Variants in ELFN1 observed in about 807,000 individuals in gnomAD.
The protein encoded by ELFN1 is extracellular leucine rich repeat and fibronectin type III domain containing 1, also known as protein ELFN1.
In ELFN1, 6 loss-of-function variants were observed where a neutral mutation model predicts 7.6. The ratio of observed to expected loss-of-function variants is 0.79; its 90% confidence interval spans 0.43 to 1.56. The LOEUF is 1.56. ELFN1 is among the 40% of genes most tolerant of loss of function. ELFN1 has a pLI of 0.01. For missense variants in ELFN1, 1,169 were observed against 1,232.2 expected, an observed-to-expected ratio of 0.95 and a Z score of 0.77; for synonymous variants, 657 against 588.1, an observed-to-expected ratio of 1.12 and a Z score of -1.70.
chr7:1,736,189 G>A (rs1038515933), intron 3 of ELFN1, among the ~76,000 whole-genome samples: 2 of 152,202 alleles, frequency 1.3e-5, no homozygotes, highest in African/African-American at 4.8e-5. Flanking sequence ...GCAGGCAGAC[G>A]TTAGCAGTAA....
chr7:1,716,504 T>C (rs143961268), intron 3 of ELFN1, among the ~76,000 whole-genome samples: 31 of 152,334 alleles, frequency 2.0e-4, no homozygotes, highest in African/African-American at 7.2e-4. Flanking sequence ...TGTGTGTGCG[T>C]GCGTGTTTGT....
intron 2 of ELFN1, among the ~76,000 whole-genome samples, chr7:1,701,457 AT>A (rs1488179812): frequency 6.6e-6 from 1 of 152,124 alleles, no homozygotes; most frequent in African/African-American, 2.4e-5. Flanking sequence ...ATGTAGTAAT[AT>A]TTATCAATAT....
At position 1,722,754 on chromosome 7, in the gene ELFN1, TATAA is replaced by T. The variant is rs574262931; in HGVS notation, c.-294+13506_-294+13509del. Among the ~76,000 whole-genome samples, 67 of 152,310 alleles carry T rather than the reference TATAA, an allele frequency of 4.4e-4. 1 individual carries two copies. The South Asian group carries it at 0.013, about 29-fold the overall frequency. On this transcript the variant is annotated intron_variant, in intron 3 of 3. Coordinates refer to ENST00000424383, the MANE Select transcript of ELFN1 (RefSeq NM_001128636.4). ...TGTCTCAAATATCTAAGAAATCCCTTATAAATATTTTAAAGTTATAAAATATTTA... is the reference window on the plus strand; with the variant it reads ...TGTCTCAAATATCTAAGAAATCCCTTATATTTTAAAGTTATAAAATATTTA...
In ELFN1 at chr7:1,745,619, G is replaced by A. The variant is rs1360922310; in HGVS notation, c.1023G>A (p.Arg341=). ...TCCAGCTGCCCAGCCCGTTCCACCG[G>A]ATGTACACCCTGGAGCATTTCAACA... ...ITVQLPSPFH[R]MYTLEHFNNS... Residue 341 remains arginine, a synonymous_variant, in exon 4 of 4, where the codon CGG becomes CGA. Transcript: ENST00000424383. The A allele has an allele frequency of 6.4e-7, 1 of 1,551,142 alleles. No individual in the cohort carries two copies. The highest frequency in any genetic ancestry group is 8.7e-7 in the Non-Finnish European group (1 of 1,146,978).
rs878916254 is a variant in ELFN1 at position 1,695,984 on chromosome 7, C to A, written c.-456+7834C>A. On this transcript the variant is annotated intron_variant, in intron 2 of 3. Transcript: ENST00000424383. The surrounding 1 kb of genome is among the most constrained non-coding windows in gnomAD (Gnocchi z 5.1). ...GCAGGGCAGACCTGACTCCTGCCTG[C>A]CTTTGTCGGCCCCGGCTCTCATAAC... Among the ~76,000 whole-genome samples, 2 of 152,096 alleles carry A rather than the reference C, an allele frequency of 1.3e-5. No homozygotes were observed. Among genetic ancestry groups the A allele is most frequent in the Admixed American group, 1.3e-4 (2 of 15,268 alleles).
intron 3 of ELFN1, among the ~76,000 whole-genome samples, chr7:1,712,352 C>T (rs1350200074): frequency 6.6e-6 from 1 of 152,086 alleles, no homozygotes; most frequent in Non-Finnish European, 1.5e-5. Flanking sequence ...GATCTCCTGA[C>T]CTCGTGATCT....
intron 3 of ELFN1, among the ~76,000 whole-genome samples, chr7:1,727,575 C>A (rs768311243): frequency 6.6e-6 from 1 of 152,122 alleles, no homozygotes; most frequent in African/African-American, 2.4e-5. Context: ...TCATTCAATT[C>A]GAGGACTCCA....
chr7:1,713,560 G>A (rs1269977462), intron 3 of ELFN1, among the ~76,000 whole-genome samples: 1 of 152,174 alleles, frequency 6.6e-6, no homozygotes, highest in Non-Finnish European at 1.5e-5. Flanking sequence ...AGTTTAGAAG[G>A]GGCTCTCTGG....
chr7:1,686,895 T>C (rs1181849065), intron 1 of ELFN1, among the ~76,000 whole-genome samples: 1 of 152,160 alleles, frequency 6.6e-6, no homozygotes, highest in African/African-American at 2.4e-5. Context: ...GCTAGTCTAC[T>C]GGTGTATTGC....
chr7:1,702,864 G>A (rs1390326919), intron 2 of ELFN1, among the ~76,000 whole-genome samples: 1 of 151,190 alleles, frequency 6.6e-6, no homozygotes. Flanking sequence ...CTGAATCAGA[G>A]TGGTGGCAGC....
chr7:1,744,841 G>C lies in ELFN1; in HGVS notation c.245G>C (p.Arg82Pro). 1 of 1,574,534 alleles carries C rather than the reference G, an allele frequency of 6.4e-7. No individual in the cohort carries two copies. Among genetic ancestry groups the C allele is most frequent in the Non-Finnish European group, 8.6e-7 (1 of 1,159,206 alleles). The change falls in exon 4 of 4, where the codon CGC (arginine) becomes CCC (proline). Residue 82 changes from arginine (R) to proline (P), a missense_variant. Physicochemically the swap from Arg to Pro is moderately radical, Grantham distance 103. Transcript: ENST00000424383. ...AGCGTGCAGTACGCCTCGCTCAGCCGCTTTGGCAACCTCACGTACCTCAAC... is the reference window on the plus strand; with the variant it reads ...AGCGTGCAGTACGCCTCGCTCAGCCCCTTTGGCAACCTCACGTACCTCAAC... ...IRSVQYASLS[R>P]FGNLTYLNLT...
intron 2 of ELFN1, among the ~76,000 whole-genome samples, chr7:1,698,469 C>A (rs767041931): frequency 6.6e-6 from 1 of 151,974 alleles, no homozygotes; most frequent in East Asian, 1.9e-4. Flanking sequence ...CGTTGGCAGC[C>A]GCAATGAAAT....
chr7:1,744,807 C>A lies in ELFN1; in HGVS notation c.211C>A (p.Arg71Ser). 1 of 1,561,618 alleles carries A rather than the reference C, an allele frequency of 6.4e-7. No homozygotes were observed. The highest frequency in any genetic ancestry group is 1.2e-5 in the South Asian group (1 of 84,748). The change falls in exon 4 of 4, where the codon CGT becomes AGT. Residue 71 changes from arginine to serine, a missense_variant. Coordinates refer to ENST00000424383, the MANE Select transcript of ELFN1 (RefSeq NM_001128636.4). ...CGTGGACCTGCGGCTCAACGAGAACCGTATCCGCAGCGTGCAGTACGCCTC... is the reference window on the plus strand; with the variant it reads ...CGTGGACCTGCGGCTCAACGAGAACAGTATCCGCAGCGTGCAGTACGCCTC... ...TIVDLRLNEN[R>S]IRSVQYASLS...
chr7:1,671,293 A>G (rs1367537481), intron 1 of ELFN1, among the ~76,000 whole-genome samples: 1 of 152,106 alleles, frequency 6.6e-6, no homozygotes, highest in Non-Finnish European at 1.5e-5. Flanking sequence ...AAATGGGGCT[A>G]GGATGATCAT....
At position 1,716,850 on chromosome 7, in the gene ELFN1, G is replaced by C. The variant is rs12535075; in HGVS notation, c.-294+7598G>C. 5.4e-3 allele frequency among the ~76,000 whole-genome samples: 829 copies of C among 152,324 alleles called. 28 individuals are homozygous for C. The highest frequency in any genetic ancestry group is 0.042 in the Admixed American group (648 of 15,300). ...GCCTGGCTTGACGGCAGCCATGGAG[G>C]GGGAGGGGAGAGGAAGGAGAGTAGG... On this transcript the variant is annotated intron_variant, in intron 3 of 3. Transcript: ENST00000424383.
At chr7:1,698,028 G>A (rs1779354966) in intron 2 of ELFN1, among the ~76,000 whole-genome samples, 2 of 152,230 alleles carry the variant, frequency 1.3e-5, no homozygotes, top group African/African-American at 4.8e-5. Context: ...GAAGACATCA[G>A]ACTTTCTTTT....
chr7:1,734,613 A>G (rs765247382), intron 3 of ELFN1, among the ~76,000 whole-genome samples: 1 of 151,694 alleles, frequency 6.6e-6, no homozygotes, highest in Non-Finnish European at 1.5e-5. Flanking sequence ...GGCCTTGGGG[A>G]GGGTCTGTCT....
Position 1,745,846 on chromosome 7 carries a change from A to C in ELFN1, c.1250A>C (p.His417Pro). The change falls in exon 4 of 4, where the codon CAC (histidine) becomes CCC (proline). Residue 417 changes from histidine (H) to proline (P), a missense_variant. His to Pro is a moderately conservative substitution (Grantham distance 77, BLOSUM62 -2). Around this residue, in one of 2 missense-constraint regions of ELFN1, gnomAD observed 914 missense variants for 872.6 expected, o/e 1.05. Transcript: ENST00000424383. ...GPVPSPSTAT[H>P]YIMTILGCLF... ...GTGCCCAGCCCCTCCACGGCCACCC[A>C]CTACATCATGACCATCCTGGGCTGC... 1 of 1,586,438 alleles carries C rather than the reference A, an allele frequency of 6.3e-7. No homozygotes were observed. Among genetic ancestry groups the C allele is most frequent in the Non-Finnish European group, 8.6e-7 (1 of 1,168,198 alleles).
chr7:1,708,489 A>C (rs1779583689), intron 2 of ELFN1, among the ~76,000 whole-genome samples: 1 of 152,112 alleles, frequency 6.6e-6, no homozygotes, highest in South Asian at 2.1e-4. Flanking sequence ...TTTCCTTCTC[A>C]GTGATTGGCC....
Sources: allele counts gnomAD v4.1 joint callset (sites outside exome capture counted in the v4.1 genomes callset), GRCh38; gene constraint gnomAD v4.1.1; regional missense constraint gnomAD v4.1.1; non-coding constraint Gnocchi (gnomAD v3.1); transcripts MANE v1.5; gene names NCBI Gene and HGNC (gene_info 2026-07-23, HGNC 2026-07-21).